The following LRP1B variants were observed in gnomAD, a reference collection of about 807,000 sequenced individuals.
The protein encoded by LRP1B is LDL receptor related protein 1B.
In LRP1B, 217 loss-of-function variants were observed where a neutral mutation model predicts 556.6. That is an observed-to-expected ratio of 0.39 (90% CI 0.35 to 0.44). LRP1B has a LOEUF of 0.44. Ranked by LOEUF, LRP1B falls within the 20% of genes least tolerant of loss-of-function variation. The pLI, the probability that LRP1B is intolerant of heterozygous loss-of-function variation, is 1.00. For missense variants in LRP1B, 5,053 were observed against 5,620.8 expected (o/e 0.90, Z 3.23); for synonymous variants, 2,047 against 1,865.8 (o/e 1.10, Z -2.50).
At chr2:140,444,309 G>C (rs760905788) in intron 65 of LRP1B, 21 bp downstream of exon 65, 5 of 1,613,348 alleles carry the variant, frequency 3.1e-6, no homozygotes, top group Non-Finnish European at 4.2e-6. Flanking sequence ...AGACAAGACA[G>C]AGTATTTTGA....
At chr2:141,529,296 T>G (rs1684793951) in intron 2 of LRP1B, among the ~76,000 whole-genome samples, 1 of 152,216 alleles carries the variant, frequency 6.6e-6, no homozygotes, top group Non-Finnish European at 1.5e-5. Context: ...CATTTTTAGT[T>G]AGCTGACGTG....
intron 1 of LRP1B, among the ~76,000 whole-genome samples, chr2:142,090,748 C>A (rs181835678): frequency 5.9e-5 from 9 of 152,150 alleles, no homozygotes; most frequent in African/African-American, 2.2e-4. Context: ...TTACTCTTAG[C>A]CTCTAGGGGA....
At chr2:141,908,285 G>A (rs1159853834) in intron 1 of LRP1B, among the ~76,000 whole-genome samples, 2 of 151,972 alleles carry the variant, frequency 1.3e-5, no homozygotes, top group East Asian at 3.9e-4. Flanking sequence ...ATGTTCATAA[G>A]CACTAAGTTT....
intron 2 of LRP1B, among the ~76,000 whole-genome samples, chr2:141,548,849 A>G (rs938772073): frequency 6.6e-6 from 1 of 152,152 alleles, no homozygotes. Context: ...TTCTCATTGC[A>G]TGTCCTAAGA....
intron 57 of LRP1B, among the ~76,000 whole-genome samples, 181 bp downstream of exon 57, chr2:140,492,427 A>G (rs1481029605): frequency 6.6e-6 from 1 of 152,164 alleles, no homozygotes; most frequent in Admixed American, 6.6e-5. Context: ...ACTATTACAC[A>G]GTTTGAGGCA....
At chr2:141,967,946 CTTAAATTTTTAAAAAAAGTA>C (rs1701607915) in intron 1 of LRP1B, among the ~76,000 whole-genome samples, 1 of 151,712 alleles carries the variant, frequency 6.6e-6, no homozygotes, top group South Asian at 2.1e-4. Flanking sequence ...TTGCCTTAGT[CTTAAATTTTTAAAAAAAGTA>C]TTAAATCAGA....
chr2:140,553,842 C>T (rs1378013857), intron 43 of LRP1B, among the ~76,000 whole-genome samples: 1 of 151,956 alleles, frequency 6.6e-6, no homozygotes, highest in Non-Finnish European at 1.5e-5. Context: ...AGAAGAGCCA[C>T]CAGCTTTCAT....
intron 86 of LRP1B, among the ~76,000 whole-genome samples, chr2:140,254,929 T>C (rs527961228): frequency 6.6e-6 from 1 of 152,310 alleles, no homozygotes; most frequent in Admixed American, 6.5e-5. Flanking sequence ...GTTGTGTTAG[T>C]GTAAATTTCA....
chr2:141,824,718 AACAGGCCTCAATGCTTTGT>A (rs1214016946), intron 1 of LRP1B, among the ~76,000 whole-genome samples: 36 of 152,302 alleles, frequency 2.4e-4, no homozygotes, highest in African/African-American at 8.4e-4. Flanking sequence ...ACATTTTCTA[AACAGGCCTCAATGCTTTGT>A]ACTTTTCAAA....
At chr2:140,503,552 T>C (rs1420175385) in intron 53 of LRP1B, among the ~76,000 whole-genome samples, 1 of 152,040 alleles carries the variant, frequency 6.6e-6, no homozygotes, top group African/African-American at 2.4e-5. Flanking sequence ...GCACTCAAAG[T>C]GTAAAAACAT....
chr2:141,029,943 T>C, intron 11 of LRP1B, among the ~76,000 whole-genome samples: 1 of 152,082 alleles, frequency 6.6e-6, no homozygotes, highest in Non-Finnish European at 1.5e-5. Context: ...CAACACCCTC[T>C]CCAGTTGAAC....
chr2:140,979,104 C>T (rs1383528280), intron 18 of LRP1B, among the ~76,000 whole-genome samples: 2 of 152,118 alleles, frequency 1.3e-5, no homozygotes, highest in African/African-American at 2.4e-5. Context: ...CTCAGCCTCT[C>T]GAGTAGCTGG....
chr2:140,429,686 A>C (rs11898162), intron 66 of LRP1B, among the ~76,000 whole-genome samples: 2 of 151,906 alleles, frequency 1.3e-5, no homozygotes, highest in Admixed American at 6.6e-5. Flanking sequence ...TGGTTAGTGC[A>C]GTCAGAATTC....
At chr2:141,289,777 T>G (rs1021337892) in intron 3 of LRP1B, among the ~76,000 whole-genome samples, 4 of 152,128 alleles carry the variant, frequency 2.6e-5, no homozygotes, top group Non-Finnish European at 5.9e-5. Flanking sequence ...GTGTTTATAG[T>G]TTGGGGGACA....
Position 140,536,738 on chromosome 2 carries a change from T to G in LRP1B, c.7514-29A>C, listed in dbSNP as rs1679916187. ...CAAGAAAAAAAAAAAAAGTCAATAC[T>G]TTTGTGCAATGGCAAATATTTTTTG... On this transcript the variant is annotated intron_variant, in intron 45 of 90. Transcript: ENST00000389484. The G allele has an allele frequency of 1.9e-6, 3 of 1,553,830 alleles. No homozygotes were observed. The South Asian group carries it at 3.7e-5, about 19-fold the overall frequency.
intron 1 of LRP1B, among the ~76,000 whole-genome samples, chr2:141,899,869 T>A (rs1165078740): frequency 6.6e-6 from 1 of 152,030 alleles, no homozygotes; most frequent in African/African-American, 2.4e-5. Context: ...TGAGTTTTCA[T>A]TGACAACTCC....
intron 3 of LRP1B, among the ~76,000 whole-genome samples, chr2:141,467,102 G>GTATATATATATATATATATATCTATA (rs58139323): frequency 1.2e-5 from 1 of 84,390 alleles, no homozygotes; most frequent in African/African-American, 5.9e-5. Context: ...ATATATATGT[G>GTATATATATATATATATATATCTATA]TATATATATA....
intron 2 of LRP1B, among the ~76,000 whole-genome samples, chr2:141,629,936 A>G (rs895262739): frequency 1.3e-5 from 2 of 152,138 alleles, no homozygotes; most frequent in African/African-American, 4.8e-5. Flanking sequence ...GAGATCAGGC[A>G]TGAGAGAAGA....
At chr2:141,797,107 CAAAT>C (rs1241167406) in intron 2 of LRP1B, among the ~76,000 whole-genome samples, 8 of 135,042 alleles carry the variant, frequency 5.9e-5, no homozygotes, top group Non-Finnish European at 1.2e-4. Context: ...GGTACCTAGT[CAAAT>C]AAACTTCCAG....
Sources: gnomAD v4.1 joint callset for allele counts (sites outside exome capture counted in the v4.1 genomes callset) on GRCh38, gnomAD v4.1.1 for gene constraint, MANE v1.5 for transcripts, NCBI Gene and HGNC (gene_info 2026-07-23, HGNC 2026-07-21) for gene names.